SFI1: variants seen among roughly 807,000 people sequenced by gnomAD.
The protein encoded by SFI1 is protein SFI1 homolog.
Under a neutral mutation model 207.5 loss-of-function variants are expected in SFI1, and 195 were observed. The ratio of observed to expected loss-of-function variants is 0.94; its 90% CI spans 0.84 to 1.06. The LOEUF (loss-of-function observed/expected upper bound fraction) is 1.06. Among genes scored for constraint, SFI1 ranks in the 50% least tolerant of loss-of-function variants. The probability of loss-of-function intolerance (pLI) is 0.00; values close to 1 mark genes in which losing one functional copy is unlikely to be tolerated. For missense variants in SFI1, 1,634 were observed against 1,588.0 expected (o/e 1.03, Z -0.49); for synonymous variants, 630 against 598.9 (o/e 1.05, Z -0.76).
intron 15 of SFI1, among the ~76,000 whole-genome samples, chr22:31,596,777 C>A (rs1176407176): frequency 3.2e-5 from 3 of 93,200 alleles, no homozygotes; most frequent in African/African-American, 1.2e-4. Context: ...GAGCAAGATT[C>A]CATCTCAAAA....
chr22:31,509,322 G>A (rs1024961368), intron 2 of SFI1, among the ~76,000 whole-genome samples: 2 of 152,224 alleles, frequency 1.3e-5, no homozygotes, highest in African/African-American at 4.8e-5. Flanking sequence ...CAGTGGCTCA[G>A]TCCAAGTCCC....
At chr22:31,554,604 A>G (rs1165256487) in intron 6 of SFI1, among the ~76,000 whole-genome samples, 3 of 82,644 alleles carry the variant, frequency 3.6e-5, no homozygotes, top group African/African-American at 1.5e-4. Flanking sequence ...CACTGCGCCC[A>G]GCCTTTTTTT....
intron 8 of SFI1, among the ~76,000 whole-genome samples, chr22:31,562,883 C>T (rs1277598465): frequency 2.0e-5 from 3 of 151,960 alleles, no homozygotes; most frequent in South Asian, 2.1e-4. Context: ...TGGCCTGCAT[C>T]GGCCTCCCAA....
In SFI1 at chr22:31,583,960, G is replaced by A. The variant is rs1296944200; in HGVS notation, c.1334G>A (p.Trp445Ter). The part of the protein sequence containing the change: ...RELLPLLHAA[W>*]DHYRIALLCK... ...CTGCTCCCCTTACTGCATGCTGCCT[G>A]GGACCACTACAGGTAGGGACTCTGG... is the stretch of plus-strand genomic sequence containing the variant. Residue 445 changes from tryptophan to a stop codon, truncating the protein, a stop_gained, in exon 13 of 33, where the codon TGG becomes TAG. Coordinates refer to ENST00000400288, the MANE Select transcript of SFI1 (RefSeq NM_001007467.3). LOFTEE classifies it high-confidence loss of function. 6.2e-7 allele frequency: 1 copy of A among 1,613,888 alleles called. No homozygotes were observed. The highest frequency in any genetic ancestry group is 1.1e-5 in the South Asian group (1 of 91,080).
intron 1 of SFI1, chr22:31,497,289 C>A (rs1352118154): frequency 1.3e-5 from 2 of 152,206 alleles, no homozygotes; most frequent in Non-Finnish European, 2.9e-5. Context: ...AGCAAGCAGC[C>A]CTGCACCGAG....
chr22:31,529,883 A>G (rs543298465), intron 3 of SFI1, among the ~76,000 whole-genome samples: 1 of 152,082 alleles, frequency 6.6e-6, no homozygotes, highest in East Asian at 1.9e-4. Context: ...AAGACAAGCC[A>G]CCTTTGGCCG....
At position 31,527,045 on chromosome 22, in the gene SFI1, C is replaced by T. The variant is rs187697711; in HGVS notation, c.93-1645C>T. Among the ~76,000 whole-genome samples, 674 of 152,012 alleles carry T rather than the reference C, an allele frequency of 4.4e-3. 5 individuals carry two copies. Among genetic ancestry groups the T allele is most frequent in the African/African-American group, 0.015 (633 of 41,440 alleles). On this transcript the variant is annotated intron_variant, in intron 2 of 32. Coordinates refer to ENST00000400288, the MANE Select transcript of SFI1 (RefSeq NM_001007467.3). ...CCAAGTAGCTGAGATTACAGGCACC[C>T]GCCACCACATCCGGCTGACTTTTGT...
chr22:31,598,707 G>A (rs1220455966), intron 15 of SFI1, among the ~76,000 whole-genome samples: 3 of 34,104 alleles, frequency 8.8e-5, no homozygotes, highest in African/African-American at 1.6e-4. Flanking sequence ...ATAAGCCACT[G>A]CGCCTGGCCT....
chr22:31,529,893 G>A (rs556827787), intron 3 of SFI1, among the ~76,000 whole-genome samples: 10 of 152,124 alleles, frequency 6.6e-5, no homozygotes, highest in Admixed American at 1.3e-4. Context: ...ACCTTTGGCC[G>A]GGTATGGTGG....
In SFI1 at chr22:31,618,108, C is replaced by T. The variant is rs1947093030; in HGVS notation, c.3513-7C>T. 7 of 1,563,204 alleles carry T rather than the reference C, an allele frequency of 4.5e-6. No individual in the cohort carries two copies. The highest frequency in any genetic ancestry group is 1.9e-5 in the Admixed American group (1 of 51,340). On this transcript the variant is annotated splice_region_variant and splice_polypyrimidine_tract_variant and intron_variant, in intron 31 of 32. Transcript: ENST00000400288. Reference sequence around the variant, plus strand: ...CCTGGCAGGCAGTGGGTATCTCCACCCCTCAGGTCCTGTCGGCGGCAAGCG... The same window carrying T: ...CCTGGCAGGCAGTGGGTATCTCCACTCCTCAGGTCCTGTCGGCGGCAAGCG...
At chr22:31,506,695 G>A (rs1013767718) in intron 1 of SFI1, among the ~76,000 whole-genome samples, 24 of 152,208 alleles carry the variant, frequency 1.6e-4, no homozygotes, top group African/African-American at 5.3e-4. Flanking sequence ...AAAAATTGCA[G>A]ACATTCCTGT....
At chr22:31,504,370 A>G (rs1265153335) in intron 1 of SFI1, among the ~76,000 whole-genome samples, 1 of 152,196 alleles carries the variant, frequency 6.6e-6, no homozygotes. Context: ...AGTAAGGATT[A>G]TTCGTTTTGT....
At chr22:31,518,662 C>G (rs1308887379) in intron 2 of SFI1, among the ~76,000 whole-genome samples, 1 of 152,072 alleles carries the variant, frequency 6.6e-6, no homozygotes, top group Admixed American at 6.6e-5. Flanking sequence ...CAAGGCTGAC[C>G]CTTGGCTGGT....
At chr22:31,559,464 C>T (rs749942574) in intron 7 of SFI1, 11 of 454,330 alleles carry the variant, frequency 2.4e-5, no homozygotes, top group African/African-American at 8.1e-5. Flanking sequence ...GCCTACACAC[C>T]GCCAGTTGTG....
intron 4 of SFI1, among the ~76,000 whole-genome samples, chr22:31,539,058 T>C (rs927488034): frequency 6.6e-6 from 1 of 152,172 alleles, no homozygotes; most frequent in African/African-American, 2.4e-5. Flanking sequence ...GGTGAAGTCA[T>C]CCTTCACACC....
intron 2 of SFI1, among the ~76,000 whole-genome samples, chr22:31,520,053 A>G (rs904165145): frequency 5.9e-5 from 9 of 152,022 alleles, no homozygotes; most frequent in Non-Finnish European, 1.3e-4. Context: ...GGCATGAGCC[A>G]CCGTGCCTGG....
chr22:31,604,287 C>A, intron 18 of SFI1, 22 bp from the exon 19 acceptor site: 1 of 1,554,404 alleles, frequency 6.4e-7, no homozygotes, highest in East Asian at 2.4e-5. Flanking sequence ...CCCACGGTAG[C>A]TGCTTTCTCC....
Position 31,575,369 on chromosome 22 carries a change from G to C in SFI1, c.1061G>C (p.Arg354Pro). The change falls in exon 10 of 33, where the codon CGC (arginine) becomes CCC (proline). Residue 354 changes from arginine (R) to proline (P), a missense_variant. Arg to Pro is a moderately radical substitution (Grantham distance 103). Coordinates refer to ENST00000400288, the MANE Select transcript of SFI1 (RefSeq NM_001007467.3). ...EKLARKMALR[R>P]AFTHWKHYML... ...CTGGCCAGGAAGATGGCCCTGCGGC[G>C]CGCCTTTACTCACTGGAAACACTGT... 6.2e-7 allele frequency: 1 copy of C among 1,610,718 alleles called. No individual in the cohort carries two copies. The highest frequency in any genetic ancestry group is 8.5e-7 in the Non-Finnish European group (1 of 1,178,752).
chr22:31,510,685 C>T (rs868809450), intron 2 of SFI1, among the ~76,000 whole-genome samples: 31 of 152,290 alleles, frequency 2.0e-4, no homozygotes, highest in Middle Eastern at 6.8e-3. Flanking sequence ...CCACCTACCT[C>T]GGCCTCCCAA....
Sources: allele counts gnomAD v4.1 joint callset (sites outside exome capture counted in the v4.1 genomes callset), GRCh38; gene constraint gnomAD v4.1.1; transcripts MANE v1.5; gene names NCBI Gene and HGNC (gene_info 2026-07-23, HGNC 2026-07-21).